PTPRT: variants seen among roughly 807,000 people sequenced by gnomAD.
The protein encoded by PTPRT is protein tyrosine phosphatase receptor type T.
Under a neutral mutation model 176.8 loss-of-function variants are expected in PTPRT, and 56 were observed. The ratio of observed to expected loss-of-function variants is 0.32; its 90% CI spans 0.26 to 0.40. PTPRT has a LOEUF of 0.40. PTPRT is among the 10% of genes least tolerant of loss of function. The pLI is 1.00. For synonymous variants in PTPRT, 783 were observed against 739.0 expected (o/e 1.06, Z -0.96); for missense variants, 1,540 against 1,908.2 (o/e 0.81, Z 3.60).
intron 7 of PTPRT, among the ~76,000 whole-genome samples, chr20:42,593,437 G>A (rs756786291): frequency 1.3e-5 from 2 of 152,156 alleles, no homozygotes; most frequent in Non-Finnish European, 2.9e-5. Context: ...CTTCTTAATA[G>A]ATGTGTTAGG....
chr20:42,208,018 C>A (rs2055516818), intron 15 of PTPRT, among the ~76,000 whole-genome samples: 1 of 107,980 alleles, frequency 9.3e-6, no homozygotes, highest in Non-Finnish European at 1.9e-5. Context: ...ATTTTCAACC[C>A]AGAATTTCAT....
At position 42,862,605 on chromosome 20, in the gene PTPRT, G is replaced by C. The variant is rs540092585; in HGVS notation, c.214+23202C>G. 1.2e-4 allele frequency among the ~76,000 whole-genome samples: 18 copies of C among 152,316 alleles called. No individual in the cohort carries two copies. The East Asian group carries it at 3.3e-3, about 28-fold the overall frequency. Reference sequence around the variant, plus strand: ...ATCACATCACACCATATGCCAGAGAGTGGGAGGGAGGGAGCCCATTAGCAT... The same window carrying C: ...ATCACATCACACCATATGCCAGAGACTGGGAGGGAGGGAGCCCATTAGCAT... On this transcript the variant is annotated intron_variant, in intron 2 of 30. Transcript: ENST00000373187.
chr20:42,199,027 C>T (rs1159928138), intron 16 of PTPRT, among the ~76,000 whole-genome samples: 1 of 152,204 alleles, frequency 6.6e-6, no homozygotes, highest in Non-Finnish European at 1.5e-5. Context: ...CCATTTCCAT[C>T]TGATTTGGGG....
At chr20:42,579,991 T>A (rs2073340916) in intron 7 of PTPRT, among the ~76,000 whole-genome samples, 1 of 152,228 alleles carries the variant, frequency 6.6e-6, no homozygotes, top group African/African-American at 2.4e-5. Flanking sequence ...GCCTATGTCC[T>A]GAATGGTAAT....
intron 15 of PTPRT, among the ~76,000 whole-genome samples, chr20:42,212,923 G>T (rs2055679363): frequency 6.6e-6 from 1 of 152,054 alleles, no homozygotes; most frequent in South Asian, 2.1e-4. Flanking sequence ...TTTCAGCTTT[G>T]GCTGAGCACA....
At position 42,376,657 on chromosome 20, in the gene PTPRT, C is replaced by T. The variant is rs915151604; in HGVS notation, c.1561-24372G>A. 8.6e-5 allele frequency among the ~76,000 whole-genome samples: 13 copies of T among 152,012 alleles called. No individual in the cohort carries two copies. The South Asian group carries it at 1.0e-3, about 12-fold the overall frequency. ...GAAAAGCTCAGACTTGGGTGTTGGGCGGATATCAGCAGTGTTCATGACATG... is the reference window on the plus strand; with the variant it reads ...GAAAAGCTCAGACTTGGGTGTTGGGTGGATATCAGCAGTGTTCATGACATG... On this transcript the variant is annotated intron_variant, in intron 9 of 30. Coordinates refer to ENST00000373187, the MANE Select transcript of PTPRT (RefSeq NM_007050.6).
intron 2 of PTPRT, among the ~76,000 whole-genome samples, chr20:42,877,542 G>A (rs920860858): frequency 6.6e-6 from 1 of 152,166 alleles, no homozygotes; most frequent in Non-Finnish European, 1.5e-5. Flanking sequence ...AAAAGGGCAG[G>A]AGGGGGCACT....
chr20:42,892,692 T>C (rs1486738453), intron 1 of PTPRT, among the ~76,000 whole-genome samples: 1 of 152,050 alleles, frequency 6.6e-6, no homozygotes, highest in Non-Finnish European at 1.5e-5. Flanking sequence ...AGTAGCTCAC[T>C]CCACATACAT....
In PTPRT at chr20:42,588,070, G is replaced by C. The variant is rs1416430546; in HGVS notation, c.1153+89796C>G. On this transcript the variant is annotated intron_variant, in intron 7 of 30. Coordinates refer to ENST00000373187, the MANE Select transcript of PTPRT (RefSeq NM_007050.6). Reference sequence around the variant, plus strand: ...CTTGTCAGCTGCAGCTGAATTATTGGTATAGGAACAAGCCCTCCAGAGCTG... The same window carrying C: ...CTTGTCAGCTGCAGCTGAATTATTGCTATAGGAACAAGCCCTCCAGAGCTG... Among the ~76,000 whole-genome samples, 4 of 152,054 alleles carry C rather than the reference G, an allele frequency of 2.6e-5. No homozygotes were observed. The East Asian group carries it at 5.8e-4, about 22-fold the overall frequency.
rs1484823307 is a variant in PTPRT at position 42,818,667 on chromosome 20, AGAGGAACATAAATTACCTGATGGAGCT to A, written c.215-27228_215-27202del. The stretch of plus-strand genomic sequence containing the variant: ...TTGCTAACTAGAATAACCAGTTTAG[AGAGGAACATAAATTACCTGATGGAGCT>A]GAGGAACATAAATTACCTGATGGAG... On this transcript the variant is annotated intron_variant, in intron 2 of 30. Transcript: ENST00000373187. Among the ~76,000 whole-genome samples the A allele has an allele frequency of 8.5e-5, 13 of 152,338 alleles. No individual in the cohort carries two copies. The South Asian group carries it at 1.9e-3, about 22-fold the overall frequency.
chr20:42,121,977 G>A (rs1987614491), intron 19 of PTPRT, among the ~76,000 whole-genome samples: 1 of 152,126 alleles, frequency 6.6e-6, no homozygotes, highest in African/African-American at 2.4e-5. Flanking sequence ...TGTACATATG[G>A]ATGTAAAGTG....
At chr20:43,122,025 A>G (rs1457778519) in intron 1 of PTPRT, among the ~76,000 whole-genome samples, 7 of 152,104 alleles carry the variant, frequency 4.6e-5, no homozygotes, top group Non-Finnish European at 1.0e-4. Flanking sequence ...TCACCTAGCT[A>G]TTCCTCAGCA....
intron 5 of PTPRT, among the ~76,000 whole-genome samples, chr20:42,769,219 G>A (rs1001396194): frequency 6.6e-6 from 1 of 152,280 alleles, no homozygotes; most frequent in Non-Finnish European, 1.5e-5. Flanking sequence ...CTGCTAAGTG[G>A]CAAGGAAGAA....
chr20:42,272,066 A>T (rs1411016486), intron 13 of PTPRT, among the ~76,000 whole-genome samples: 1 of 152,192 alleles, frequency 6.6e-6, no homozygotes, highest in East Asian at 1.9e-4. Context: ...CTTGTAGGCC[A>T]AATCTGGCCC....
chr20:42,516,685 T>G (rs2072073737), intron 7 of PTPRT, among the ~76,000 whole-genome samples: 1 of 152,182 alleles, frequency 6.6e-6, no homozygotes, highest in Non-Finnish European at 1.5e-5. Context: ...ATATACTTAG[T>G]TTTTGTAGAT....
At chr20:42,683,640 C>T (rs773626705) in intron 6 of PTPRT, among the ~76,000 whole-genome samples, 4 of 152,214 alleles carry the variant, frequency 2.6e-5, no homozygotes, top group Non-Finnish European at 4.4e-5. Context: ...TGACGACTTA[C>T]TTTCGTGTAG....
intron 9 of PTPRT, among the ~76,000 whole-genome samples, chr20:42,362,229 T>A (rs1321999509): frequency 6.6e-6 from 1 of 152,114 alleles, no homozygotes; most frequent in Non-Finnish European, 1.5e-5. Flanking sequence ...ACTGGTCCAC[T>A]GCACTCCAGC....
At chr20:42,624,939 G>C (rs1206861108) in intron 7 of PTPRT, among the ~76,000 whole-genome samples, 1 of 152,140 alleles carries the variant, frequency 6.6e-6, no homozygotes, top group East Asian at 1.9e-4. Flanking sequence ...AGGGACTCCA[G>C]AGGTACCACA....
At chr20:42,042,396 A>C in the PTPRT span, among the ~76,000 whole-genome samples, 1 of 152,210 alleles carries the variant, frequency 6.6e-6, no homozygotes, top group Admixed American at 6.5e-5. Flanking sequence ...TTTGCCAGTC[A>C]CCTGTCCCTC....
Sources: allele counts gnomAD v4.1 joint callset (sites outside exome capture counted in the v4.1 genomes callset), GRCh38; gene constraint gnomAD v4.1.1; transcripts MANE v1.5; gene names NCBI Gene and HGNC (gene_info 2026-07-23, HGNC 2026-07-21).